EDA: variants seen among roughly 807,000 people sequenced by gnomAD.
EDA encodes ectodysplasin-A.
Under a neutral mutation model 23.6 loss-of-function variants are expected in EDA, and 2 were observed. The observed-to-expected ratio is 0.08, with a 90% CI of 0.03 to 0.27. The LOEUF (loss-of-function observed/expected upper bound fraction) is 0.27. EDA is among the 10% of genes least tolerant of loss of function. EDA has a pLI of 1.00. For synonymous variants in EDA, 131 were observed against 132.0 expected (o/e 0.99, Z 0.05); for missense variants, 229 against 324.2 (o/e 0.71, Z 2.26).
At chrX:69,818,950 C>T (rs758156508) in intron 1 of EDA, among the ~76,000 whole-genome samples, 6 of 111,933 alleles carry the variant, frequency 5.4e-5, no homozygotes, top group Non-Finnish European at 1.1e-4. Flanking sequence ...CCTTAGTGAA[C>T]GTTGATGCAA....
intron 1 of EDA, among the ~76,000 whole-genome samples, chrX:69,872,974 C>T (rs1390991357): frequency 9.0e-6 from 1 of 111,340 alleles, no homozygotes; most frequent in Non-Finnish European, 1.9e-5. Flanking sequence ...ATGGAACATT[C>T]TCCAAGATAG....
chrX:69,938,458 A>G (rs1190416525), intron 1 of EDA, among the ~76,000 whole-genome samples: 1 of 111,913 alleles, frequency 8.9e-6, no homozygotes, highest in Non-Finnish European at 1.9e-5. Context: ...TCGAATTATT[A>G]GATTTTTTTT....
In EDA at chrX:69,643,247, T is replaced by C. The variant is rs143486459; in HGVS notation, c.396+26543T>C. Among the ~76,000 whole-genome samples the C allele has an allele frequency of 3.9e-4, 43 of 111,051 alleles. 2 individuals carry two copies. In the East Asian group the frequency reaches 0.012, roughly 31 times the overall value. ...GACCTAGTCATATTTTTAGATTCTT[T>C]TTACTTAGAGTTCTTTTTTTTTCTT... On this transcript the variant is annotated intron_variant, in intron 1 of 7. Transcript: ENST00000374552.
intron 1 of EDA, among the ~76,000 whole-genome samples, chrX:69,740,305 T>C: frequency 8.9e-6 from 1 of 111,733 alleles, no homozygotes; most frequent in Non-Finnish European, 1.9e-5. Context: ...GTTTCTTCAG[T>C]ATTTCTTATA....
At chrX:69,805,067 A>G (rs1373789280) in intron 1 of EDA, among the ~76,000 whole-genome samples, 1 of 111,634 alleles carries the variant, frequency 9.0e-6, no homozygotes, top group Admixed American at 9.5e-5. Flanking sequence ...TTTCCATCTC[A>G]TCACCCTCCT....
chrX:69,916,393 GTTCTT>G (rs1465430934), intron 1 of EDA, among the ~76,000 whole-genome samples: 2 of 81,270 alleles, frequency 2.5e-5, no homozygotes, highest in Non-Finnish European at 4.8e-5. Flanking sequence ...AATCTCTACT[GTTCTT>G]TTTTTTTTTT....
At chrX:69,791,984 T>TG (rs1332730102) in intron 1 of EDA, among the ~76,000 whole-genome samples, 1 of 111,977 alleles carries the variant, frequency 8.9e-6, no homozygotes, top group Non-Finnish European at 1.9e-5. Flanking sequence ...TCAACAGTTT[T>TG]GGGGGGTACA....
intron 1 of EDA, among the ~76,000 whole-genome samples, chrX:69,859,065 G>A (rs2017321546): frequency 9.0e-6 from 1 of 111,562 alleles, no homozygotes; most frequent in South Asian, 3.7e-4. Context: ...TTTCTGTGGG[G>A]TCAGTGGTAA....
At chrX:69,715,798 A>G (rs1461808620) in intron 1 of EDA, among the ~76,000 whole-genome samples, 2 of 110,962 alleles carry the variant, frequency 1.8e-5, no homozygotes, top group African/African-American at 6.6e-5. Context: ...ATGGTATCTC[A>G]TTGTGGTTTT....
At chrX:69,622,564 C>T (rs1220381048) in intron 1 of EDA, among the ~76,000 whole-genome samples, 1 of 111,992 alleles carries the variant, frequency 8.9e-6, no homozygotes, top group Non-Finnish European at 1.9e-5. Context: ...CTGTCTTTTT[C>T]TTATAGATTT....
intron 2 of EDA, among the ~76,000 whole-genome samples, chrX:69,979,837 T>C (rs1317117735): frequency 8.9e-6 from 1 of 112,083 alleles, no homozygotes; most frequent in Non-Finnish European, 1.9e-5. Context: ...GGATGGCCTT[T>C]TCACTTTATT....
intron 1 of EDA, among the ~76,000 whole-genome samples, chrX:69,688,838 T>C (rs1021073739): frequency 2.7e-5 from 3 of 112,122 alleles, no homozygotes; most frequent in African/African-American, 9.7e-5. Context: ...GTAAATGGCA[T>C]GCCCAGAAGT....
At chrX:69,893,714 G>T (rs2017967343) in intron 1 of EDA, among the ~76,000 whole-genome samples, 1 of 112,538 alleles carries the variant, frequency 8.9e-6, no homozygotes, top group South Asian at 3.6e-4. Context: ...TTAACAGTTT[G>T]TTATTCTCTA....
intron 1 of EDA, among the ~76,000 whole-genome samples, chrX:69,820,570 G>T (rs1485101637): frequency 1.8e-5 from 2 of 111,641 alleles, no homozygotes; most frequent in Non-Finnish European, 3.8e-5. Context: ...CCCATTAAAA[G>T]GTGGTCAAAG....
chrX:69,788,612 G>C, intron 1 of EDA, among the ~76,000 whole-genome samples: 1 of 112,276 alleles, frequency 8.9e-6, no homozygotes, highest in Non-Finnish European at 1.9e-5. Context: ...TCAGGGGTCA[G>C]GGGTCAGGGA....
At chrX:69,974,126 GA>G (rs1216573546) in intron 2 of EDA, among the ~76,000 whole-genome samples, 7 of 107,418 alleles carry the variant, frequency 6.5e-5, no homozygotes, top group Middle Eastern at 4.4e-3. Context: ...AAGATTACTT[GA>G]AAAAAAAAGA....
rs373352723 is a variant in EDA, at chrX:69,713,178, G to A, written c.396+96474G>A. 1.1e-4 allele frequency among the ~76,000 whole-genome samples: 12 copies of A among 111,829 alleles called. 1 individual carries two copies. Among genetic ancestry groups the A allele is most frequent in the African/African-American group, 2.6e-4 (8 of 30,826 alleles). The stretch of plus-strand genomic sequence containing the variant: ...GTATACATACGTAACAAACCTGCAC[G>A]TTGTGCACATGTACCCTAAAACTTA... On this transcript the variant is annotated intron_variant, in intron 1 of 7. Coordinates refer to ENST00000374552, the MANE Select transcript of EDA (RefSeq NM_001399.5).
intron 1 of EDA, among the ~76,000 whole-genome samples, chrX:69,682,412 C>T (rs899911892): frequency 1.8e-5 from 2 of 112,393 alleles, no homozygotes; most frequent in Non-Finnish European, 3.8e-5. Flanking sequence ...GGGCGCCCCT[C>T]CCCCAGCCTC....
intron 1 of EDA, among the ~76,000 whole-genome samples, chrX:69,878,604 C>T (rs1471241691): frequency 1.8e-5 from 2 of 111,027 alleles, no homozygotes; most frequent in African/African-American, 6.6e-5. Flanking sequence ...CATGACAGAG[C>T]ATCCCTGCTA....
Sources: gnomAD v4.1 joint callset for allele counts (sites outside exome capture counted in the v4.1 genomes callset) on GRCh38, gnomAD v4.1.1 for gene constraint, MANE v1.5 for transcripts, NCBI Gene and HGNC (gene_info 2026-07-23, HGNC 2026-07-21) for gene names.